The following SORBS3 variants were observed in gnomAD, a reference collection of about 807,000 sequenced individuals.
SORBS3 encodes sorbin and SH3 domain containing 3.
A neutral mutation model predicts 98.0 loss-of-function variants in SORBS3; 69 were observed. That is an observed-to-expected ratio of 0.70 (90% confidence interval 0.58 to 0.86). SORBS3 has a LOEUF of 0.86. SORBS3 is among the 40% of genes least tolerant of loss of function. The pLI is 0.00. For missense variants in SORBS3, 954 were observed against 908.5 expected, an observed-to-expected ratio of 1.05 and a Z score of -0.64; for synonymous variants, 394 against 355.4, an observed-to-expected ratio of 1.11 and a Z score of -1.22.
intron 3 of SORBS3, among the ~76,000 whole-genome samples, chr8:22,555,954 G>A (rs368653865): frequency 2.6e-5 from 4 of 152,204 alleles, no homozygotes; most frequent in South Asian, 2.1e-4. Context: ...GGCTCACCTC[G>A]TTTAACCCCT....
At chr8:22,556,562 G>T in intron 3 of SORBS3, 153 bp from the exon 4 acceptor site, 1 of 655,658 alleles carries the variant, frequency 1.5e-6, no homozygotes. Flanking sequence ...AACAAACAGA[G>T]GCCCGTGGTG....
rs1840437617 is a variant in SORBS3 at position 22,566,844 on chromosome 8, T to C, written c.1166T>C (p.Phe389Ser). The change falls in exon 15 of 21, where the codon TTT becomes TCT. Residue 389 changes from phenylalanine (F) to serine (S), a missense_variant. Phe to Ser is a radical substitution (Grantham distance 155). Coordinates refer to ENST00000240123, the MANE Select transcript of SORBS3 (RefSeq NM_005775.5). The part of the protein sequence containing the change: ...EKKRKAARLK[F>S]DFQAQSPKEL... ...TAGAGAAAGGCCGCCAGGCTCAAGT[T>C]TGACTTCCAGGCGCAGTCCCCCAAG... The C allele has an allele frequency of 6.2e-7, 1 of 1,613,314 alleles. No homozygotes were observed. Among genetic ancestry groups the C allele is most frequent in the Non-Finnish European group, 8.5e-7 (1 of 1,179,622 alleles).
intron 16 of SORBS3, among the ~76,000 whole-genome samples, chr8:22,568,309 C>T (rs1840478718): frequency 6.6e-6 from 1 of 152,070 alleles, no homozygotes; most frequent in Admixed American, 6.6e-5. Flanking sequence ...CTTATTGTTG[C>T]TTGCTTTTGG....
chr8:22,573,946 C>T (rs1033188936), intron 20 of SORBS3, among the ~76,000 whole-genome samples: 6 of 152,204 alleles, frequency 3.9e-5, no homozygotes, highest in Admixed American at 6.5e-5. Flanking sequence ...GCGCTCTCCC[C>T]AAGGGCTGCT....
rs373972316 is a variant in SORBS3 at position 22,566,687 on chromosome 8, A to T, written c.1117A>T (p.Ser373Cys). The change falls in exon 14 of 21, where the codon AGC becomes TGC. Residue 373 changes from serine to cysteine, a missense_variant. Coordinates refer to ENST00000240123, the MANE Select transcript of SORBS3 (RefSeq NM_005775.5). Reference protein sequence around the residue: ...RDPSASNGGGSPARREEKKRK... With the variant: ...RDPSASNGGGCPARREEKKRK... ...CCCTAGTGCCTCTAACGGAGGGGGCAGCCCAGCCAGGAGGGAAGAGAAGAA... is the reference window on the plus strand; with the variant it reads ...CCCTAGTGCCTCTAACGGAGGGGGCTGCCCAGCCAGGAGGGAAGAGAAGAA... The T allele has an allele frequency of 1.6e-5, 25 of 1,610,804 alleles. No individual in the cohort carries two copies. The African/African-American group carries it at 2.5e-4, about 16-fold the overall frequency.
chr8:22,564,216 C>T, intron 8 of SORBS3, 67 bp from the exon 9 acceptor site: 2 of 1,510,068 alleles, frequency 1.3e-6, no homozygotes, highest in South Asian at 1.2e-5. Context: ...TGCAAGCCTG[C>T]ATTTTGAGCC....
intron 3 of SORBS3, among the ~76,000 whole-genome samples, chr8:22,556,275 G>C (rs1840181341): frequency 1.3e-5 from 2 of 152,162 alleles, no homozygotes; most frequent in South Asian, 4.2e-4. Flanking sequence ...AATGACCCTT[G>C]TTTTACAGAA....
Position 22,554,632 on chromosome 8 carries a change from G to A in SORBS3, c.102+24G>A, listed in dbSNP as rs529403457. 17 of 1,598,740 alleles carry A rather than the reference G, an allele frequency of 1.1e-5. No homozygotes were observed. Among genetic ancestry groups the A allele is most frequent in the Non-Finnish European group, 1.4e-5 (16 of 1,174,924 alleles). ...GGGTGAGTGAGTCAGTAGGGAGGAG[G>A]GTGTCCTGCGGGCCCGGAGTTGGTT... On this transcript the variant is annotated intron_variant, in intron 2 of 20. Coordinates refer to ENST00000240123, the MANE Select transcript of SORBS3 (RefSeq NM_005775.5). The surrounding 1 kb of genome is among the most constrained non-coding windows in gnomAD (Gnocchi z 6.5).
In SORBS3 at chr8:22,574,718, C is replaced by T. The variant is rs753394158; in HGVS notation, c.2006C>T (p.Ala669Val). 1.2e-6 allele frequency: 2 copies of T among 1,611,140 alleles called. No individual in the cohort carries two copies. The highest frequency in any genetic ancestry group is 1.7e-6 in the Non-Finnish European group (2 of 1,178,048). ...KFGTFPGNYV[A>V]PV is the part of the protein sequence containing the mutation. ...GGAACGTTCCCTGGAAATTACGTTG[C>T]CCCGGTGTGAGTGGTCTCCATGGCA... The change falls in exon 21 of 21, where the codon GCC becomes GTC. Residue 669 changes from alanine (A) to valine (V), a missense_variant. Physicochemically the swap from Ala to Val is moderately conservative, Grantham distance 64. Coordinates refer to ENST00000240123, the MANE Select transcript of SORBS3 (RefSeq NM_005775.5).
In SORBS3 at chr8:22,558,130, G is replaced by A. The variant is rs1840222099; in HGVS notation, c.416G>A (p.Ser139Asn). 2 of 1,614,130 alleles carry A rather than the reference G, an allele frequency of 1.2e-6. No homozygotes were observed. Among genetic ancestry groups the A allele is most frequent in the Middle Eastern group, 1.6e-4 (1 of 6,062 alleles). Reference protein sequence around the residue: ...ESGMPIAPRSSVDRPRDWYRR... With the variant: ...ESGMPIAPRSNVDRPRDWYRR... The stretch of plus-strand genomic sequence containing the variant: ...TGACTTTGCATTTTCTGATCCCAGA[G>A]CGTTGACAGACCCAGAGACTGGTAC... Residue 139 changes from serine to asparagine, a missense_variant and splice_region_variant, in exon 5 of 21, where the codon AGC becomes AAC. By Grantham distance (46) the Ser-to-Asn change is conservative (BLOSUM62 1). Transcript: ENST00000240123.
intron 1 of SORBS3, among the ~76,000 whole-genome samples, chr8:22,553,615 A>G (rs752110351): frequency 2.6e-5 from 4 of 152,188 alleles, no homozygotes; most frequent in Non-Finnish European, 4.4e-5. Flanking sequence ...GTGGGCAGGC[A>G]TGGTGCTGCC....
At chr8:22,564,660 A>C in intron 10 of SORBS3, 139 bp downstream of exon 10, 1 of 1,392,240 alleles carries the variant, frequency 7.2e-7, no homozygotes, top group Non-Finnish European at 9.7e-7. Context: ...CTGTAATGCC[A>C]GCACTCAGGA....
intron 3 of SORBS3, 157 bp from the exon 4 acceptor site, chr8:22,556,558 C>T (rs796837398): frequency 1.5e-5 from 10 of 645,750 alleles, no homozygotes; most frequent in Admixed American, 5.2e-5. Context: ...CTTAAACAAA[C>T]AGAGGCCCGT....
intron 1 of SORBS3, among the ~76,000 whole-genome samples, chr8:22,553,000 A>G (rs1308167326): frequency 6.6e-6 from 1 of 152,162 alleles, no homozygotes; most frequent in African/African-American, 2.4e-5. Context: ...AGGAGTCCCC[A>G]CAAACTCAAA....
chr8:22,551,906 C>T (rs1840089546), upstream of SORBS3: 1 of 984,534 alleles, frequency 1.0e-6, no homozygotes, highest in African/African-American at 1.7e-5. The surrounding 1 kb of genome is among the most constrained non-coding windows in gnomAD (Gnocchi z 5.8). Flanking sequence ...AGGGCCGCGA[C>T]GGCCCGCGCT....
upstream of SORBS3, among the ~76,000 whole-genome samples, chr8:22,547,105 G>T (rs564930710): frequency 6.6e-6 from 1 of 152,258 alleles, no homozygotes; most frequent in Admixed American, 6.5e-5. Context: ...AGTAGCATTG[G>T]GTTCTTTGTT....
rs768322899 is a variant in SORBS3 at position 22,564,087 on chromosome 8, C to G, written c.675+10C>G. 3 of 1,611,976 alleles carry G rather than the reference C, an allele frequency of 1.9e-6. No individual in the cohort carries two copies. Among genetic ancestry groups the G allele is most frequent in the Non-Finnish European group, 2.5e-6 (3 of 1,178,722 alleles). ...GCAGCCCTCAAATCAGGTAGCCCAC[C>G]CAGCATAGTCCCTGGTCAGCCCCAG... On this transcript the variant is annotated intron_variant, in intron 8 of 20. Coordinates refer to ENST00000240123, the MANE Select transcript of SORBS3 (RefSeq NM_005775.5).
At chr8:22,551,619 G>A, upstream of SORBS3, 2 of 480,872 alleles carry the variant, frequency 4.2e-6, no homozygotes, top group Non-Finnish European at 5.4e-6. The surrounding 1 kb of genome is among the most constrained non-coding windows in gnomAD (Gnocchi z 5.8). Flanking sequence ...AGGGCTCCCC[G>A]GGGACCCTCG....
intron 16 of SORBS3, 122 bp from the exon 17 acceptor site, chr8:22,569,026 T>G (rs1586904548): frequency 1.7e-5 from 17 of 1,009,722 alleles, no homozygotes; most frequent in Non-Finnish European, 5.4e-6. Flanking sequence ...TTGTGTCTGG[T>G]GTTTATATCT....
Sources: gnomAD v4.1 joint callset for allele counts (sites outside exome capture counted in the v4.1 genomes callset) on GRCh38, gnomAD v4.1.1 for gene constraint, Gnocchi (gnomAD v3.1) non-coding constraint, MANE v1.5 for transcripts, NCBI Gene and HGNC (gene_info 2026-07-23, HGNC 2026-07-21) for gene names.